Variants in MINDY3 observed in about 807,000 individuals in gnomAD.
MINDY3 encodes the protein ubiquitin carboxyl-terminal hydrolase MINDY-3.
Under a neutral mutation model 69.2 loss-of-function variants are expected in MINDY3, and 38 were observed. That is an observed-to-expected ratio of 0.55 (90% CI 0.42 to 0.72). The LOEUF is 0.72. Among genes scored for constraint, MINDY3 ranks in the 30% least tolerant of loss-of-function variants. The pLI is 0.00. For synonymous variants in MINDY3, 192 were observed against 180.1 expected (o/e 1.07, Z -0.53); for missense variants, 522 against 519.0 (o/e 1.01, Z -0.06).
intron 2 of MINDY3, among the ~76,000 whole-genome samples, chr10:15,847,101 TAAAC>T (rs1833904283): frequency 6.6e-6 from 1 of 152,208 alleles, no homozygotes; most frequent in Non-Finnish European, 1.5e-5. Flanking sequence ...GGTTAAAACA[TAAAC>T]AATAAATTAG....
intron 1 of MINDY3, among the ~76,000 whole-genome samples, chr10:15,853,152 G>C (rs1361709395): frequency 6.6e-6 from 1 of 152,046 alleles, no homozygotes; most frequent in African/African-American, 2.4e-5. Flanking sequence ...AGGGTAGTTG[G>C]ATCAAGAATT....
intron 2 of MINDY3, among the ~76,000 whole-genome samples, chr10:15,846,851 G>A (rs1833883733): frequency 6.6e-6 from 1 of 151,588 alleles, no homozygotes; most frequent in South Asian, 2.1e-4. Flanking sequence ...AGCCTCCCAA[G>A]TAGCTGGGAC....
chr10:15,809,642 C>G (rs1038951091), intron 10 of MINDY3, among the ~76,000 whole-genome samples: 3 of 152,094 alleles, frequency 2.0e-5, no homozygotes, highest in African/African-American at 7.2e-5. Flanking sequence ...CCCGTATCCT[C>G]TTATTAGAAG....
At chr10:15,800,223 C>T (rs1347206554) in intron 10 of MINDY3, among the ~76,000 whole-genome samples, 7 of 146,116 alleles carry the variant, frequency 4.8e-5, no homozygotes, top group Non-Finnish European at 9.2e-5. Flanking sequence ...AGATACTAGT[C>T]TATTTTTTCT....
chr10:15,851,619 T>C (rs561340694), intron 1 of MINDY3, among the ~76,000 whole-genome samples: 5 of 152,036 alleles, frequency 3.3e-5, no homozygotes, highest in African/African-American at 1.2e-4. Context: ...TCCATTTCCA[T>C]CCCATCTCCA....
At chr10:15,831,789 C>T (rs1350581341) in intron 8 of MINDY3, among the ~76,000 whole-genome samples, 1 of 151,930 alleles carries the variant, frequency 6.6e-6, no homozygotes, top group East Asian at 1.9e-4. Flanking sequence ...AATTCTCCTG[C>T]CTCAGCTTCC....
chr10:15,803,421 A>T (rs11253651), intron 10 of MINDY3, among the ~76,000 whole-genome samples: 54,560 of 151,886 alleles, frequency 0.36, 11,825 homozygotes, highest in African/African-American at 0.62. Context: ...CAATTGAGAG[A>T]GTTTTACAAT....
At chr10:15,811,420 C>G (rs1838990639) in intron 10 of MINDY3, among the ~76,000 whole-genome samples, 1 of 152,078 alleles carries the variant, frequency 6.6e-6, no homozygotes, top group Non-Finnish European at 1.5e-5. Context: ...AAGCCATCAA[C>G]CACTTGCCAT....
intron 10 of MINDY3, among the ~76,000 whole-genome samples, 183 bp downstream of exon 10, chr10:15,816,652 A>C (rs1332950251): frequency 2.0e-5 from 3 of 152,212 alleles, no homozygotes; most frequent in Non-Finnish European, 2.9e-5. Flanking sequence ...ATTTTGATTA[A>C]AAGATTCCAG....
intron 4 of MINDY3, among the ~76,000 whole-genome samples, chr10:15,839,467 T>C (rs1001100382): frequency 6.6e-6 from 1 of 151,682 alleles, no homozygotes; most frequent in South Asian, 2.1e-4. Context: ...ATTAAAACTT[T>C]CAGAAAATGA....
At chr10:15,779,668 T>C (rs974030017) in intron 14 of MINDY3, among the ~76,000 whole-genome samples, 1 of 152,176 alleles carries the variant, frequency 6.6e-6, no homozygotes, top group Non-Finnish European at 1.5e-5. Context: ...CTTGCTATTA[T>C]GGTATTAAAT....
In MINDY3 at chr10:15,860,341, G is replaced by A; in HGVS notation, c.-42C>T. The A allele has an allele frequency of 6.9e-7, 1 of 1,454,144 alleles. No homozygotes were observed. The highest frequency in any genetic ancestry group is 9.5e-7 in the Non-Finnish European group (1 of 1,054,078). The allele number at this position is 1,454,144 out of a possible 1,614,324, so 90.1% of individuals were successfully genotyped here. On this transcript the variant is annotated 5_prime_UTR_variant, in exon 1 of 15. Coordinates refer to ENST00000277632, the MANE Select transcript of MINDY3 (RefSeq NM_024948.4). ...GCGGATCTTCGCTTTGCGGACTCCT[G>A]CCCCGGAACATGGGGAAGGGGCAAC...
chr10:15,791,313 T>G (rs183022964), intron 11 of MINDY3, among the ~76,000 whole-genome samples: 179 of 151,928 alleles, frequency 1.2e-3, no homozygotes, highest in African/African-American at 4.1e-3. Flanking sequence ...TAAAAACAGA[T>G]GAAACCTAGG....
intron 1 of MINDY3, among the ~76,000 whole-genome samples, chr10:15,848,608 T>A (rs141495285): frequency 0.016 from 1,924 of 122,446 alleles, 38 homozygotes; most frequent in African/African-American, 0.059. Context: ...CACTCCAGCT[T>A]GGGCCACAGA....
intron 8 of MINDY3, among the ~76,000 whole-genome samples, chr10:15,833,031 G>A (rs1280301228): frequency 6.6e-6 from 1 of 152,268 alleles, no homozygotes; most frequent in Middle Eastern, 3.4e-3. Context: ...GTAATAAAGT[G>A]AAGGGAATTT....
intron 9 of MINDY3, among the ~76,000 whole-genome samples, chr10:15,820,465 C>T (rs1269587328): frequency 6.6e-6 from 1 of 152,186 alleles, no homozygotes; most frequent in East Asian, 1.9e-4. Context: ...CCCCCCGCCT[C>T]CATGCTTAAC....
chr10:15,781,531 C>T (rs1027208597), intron 14 of MINDY3, among the ~76,000 whole-genome samples: 6 of 151,894 alleles, frequency 4.0e-5, no homozygotes, highest in African/African-American at 1.5e-4. Flanking sequence ...GTTGAGTACA[C>T]CTGGCAGTGA....
intron 10 of MINDY3, among the ~76,000 whole-genome samples, chr10:15,796,476 G>GAAAAA (rs746694573): frequency 2.2e-5 from 3 of 138,274 alleles, no homozygotes; most frequent in African/African-American, 7.8e-5. Context: ...AATGTAGCAT[G>GAAAAA]AAAAAAAAAA....
In MINDY3 at chr10:15,782,230, T is replaced by C. The variant is rs1391393378; in HGVS notation, c.1117-4A>G. On this transcript the variant is annotated splice_polypyrimidine_tract_variant and splice_region_variant and intron_variant, in intron 13 of 14. Coordinates refer to ENST00000277632, the MANE Select transcript of MINDY3 (RefSeq NM_024948.4). Reference sequence around the variant, plus strand: ...AAGATTCTGGACCACTGGAGCCCTATTATAAATAAAGGACTATTAACACTT... The same window carrying C: ...AAGATTCTGGACCACTGGAGCCCTACTATAAATAAAGGACTATTAACACTT... 1 of 1,589,704 alleles carries C rather than the reference T, an allele frequency of 6.3e-7. No homozygotes were observed.
Sources: gnomAD v4.1 joint callset for allele counts (sites outside exome capture counted in the v4.1 genomes callset) on GRCh38, gnomAD v4.1.1 for gene constraint, MANE v1.5 for transcripts, NCBI Gene and HGNC (gene_info 2026-07-23, HGNC 2026-07-21) for gene names.